ACSS3: variants seen among roughly 807,000 people sequenced by gnomAD.
ACSS3 encodes acyl-CoA synthetase short chain family member 3.
In ACSS3, 64 loss-of-function variants were observed where a neutral mutation model predicts 84.2. The observed-to-expected ratio is 0.76, with a 90% confidence interval of 0.62 to 0.94. ACSS3 has a LOEUF of 0.94. ACSS3 is among the 40% of genes least tolerant of loss of function. ACSS3 has a pLI of 0.00. For missense variants in ACSS3, 815 were observed against 867.6 expected (o/e 0.94, Z 0.76); for synonymous variants, 317 against 310.1 (o/e 1.02, Z -0.23).
At chr12:81,088,808 A>G (rs1488879508) in intron 1 of ACSS3, among the ~76,000 whole-genome samples, 1 of 152,050 alleles carries the variant, frequency 6.6e-6, no homozygotes, top group Non-Finnish European at 1.5e-5. Context: ...GAAACCGTTT[A>G]AAGTTTTTAC....
chr12:81,178,806 CAT>C (rs2135833539), intron 8 of ACSS3, among the ~76,000 whole-genome samples: 1 of 152,220 alleles, frequency 6.6e-6, no homozygotes, highest in African/African-American at 2.4e-5. Flanking sequence ...TTCTACAATT[CAT>C]ATGGAACCAA....
intron 9 of ACSS3, among the ~76,000 whole-genome samples, chr12:81,212,529 A>T (rs971546395): frequency 6.6e-6 from 1 of 152,200 alleles, no homozygotes; most frequent in Non-Finnish European, 1.5e-5. Flanking sequence ...TGAAAGAACT[A>T]TGAAAACTAG....
At chr12:81,227,251 A>C (rs2135961554) in intron 11 of ACSS3, among the ~76,000 whole-genome samples, 1 of 151,882 alleles carries the variant, frequency 6.6e-6, no homozygotes, top group South Asian at 2.1e-4. Context: ...ATTTACTCTA[A>C]ATCTACTGAC....
intron 7 of ACSS3, among the ~76,000 whole-genome samples, chr12:81,156,438 G>T (rs970397929): frequency 1.3e-5 from 2 of 151,754 alleles, no homozygotes; most frequent in African/African-American, 4.8e-5. Flanking sequence ...AACCAGGAAG[G>T]AATAATAAAG....
intron 9 of ACSS3, among the ~76,000 whole-genome samples, chr12:81,207,974 T>C (rs1273679492): frequency 1.3e-5 from 2 of 152,150 alleles, no homozygotes; most frequent in Non-Finnish European, 2.9e-5. Flanking sequence ...AAGCAACCTA[T>C]AGGTTGCTTT....
rs149575646 is a variant in ACSS3, at chr12:81,245,908, A to G, written c.1720-7399A>G. ...GTCCCTTTTCCCTCTTTGGTTCACA[A>G]AACTCTCCTTTGCTGTTCTTATGGG... On this transcript the variant is annotated intron_variant, in intron 13 of 15. Transcript: ENST00000548058. 2.0e-3 allele frequency among the ~76,000 whole-genome samples: 303 copies of G among 152,278 alleles called. 2 individuals are homozygous for G. The highest frequency in any genetic ancestry group is 6.9e-3 in the African/African-American group (286 of 41,562).
At chr12:81,227,422 C>CACACA (rs1555182865) in intron 11 of ACSS3, among the ~76,000 whole-genome samples, 2 of 151,400 alleles carry the variant, frequency 1.3e-5, no homozygotes, top group African/African-American at 4.8e-5. Context: ...CACACACACA[C>CACACA]AAGTGTTGAT....
intron 2 of ACSS3, among the ~76,000 whole-genome samples, chr12:81,123,886 A>C (rs1355046797): frequency 6.6e-6 from 1 of 151,890 alleles, no homozygotes; most frequent in Non-Finnish European, 1.5e-5. Context: ...ATCTAGGTTG[A>C]CTCTATGTCT....
chr12:81,108,890 A>G (rs536537649), intron 1 of ACSS3, among the ~76,000 whole-genome samples: 1 of 152,188 alleles, frequency 6.6e-6, no homozygotes, highest in East Asian at 1.9e-4. Flanking sequence ...AAATTATTCC[A>G]TGTATCTACA....
chr12:81,182,772 A>G (rs2031021956), intron 8 of ACSS3, among the ~76,000 whole-genome samples: 1 of 152,172 alleles, frequency 6.6e-6, no homozygotes, highest in Non-Finnish European at 1.5e-5. Context: ...GTCTCAGGAC[A>G]CAGCATTGAG....
At chr12:81,139,380 GTTA>G in intron 4 of ACSS3, 115 bp downstream of exon 4, 1 of 1,146,486 alleles carries the variant, frequency 8.7e-7, no homozygotes, top group Non-Finnish European at 1.2e-6. Context: ...ACTGCTGAAT[GTTA>G]TTGTTATTTC....
At chr12:81,196,998 A>T (rs1053234408) in intron 8 of ACSS3, among the ~76,000 whole-genome samples, 7 of 152,198 alleles carry the variant, frequency 4.6e-5, no homozygotes, top group Non-Finnish European at 1.5e-5. Flanking sequence ...TTATTGCAAA[A>T]AATAAAATGT....
At chr12:81,175,741 C>T (rs2030422320) in intron 8 of ACSS3, among the ~76,000 whole-genome samples, 1 of 152,130 alleles carries the variant, frequency 6.6e-6, no homozygotes, top group Admixed American at 6.6e-5. Flanking sequence ...AAACAATCTG[C>T]TCCTGGGTGA....
At chr12:81,148,159 TAA>T (rs35252984) in intron 5 of ACSS3, among the ~76,000 whole-genome samples, 4 of 149,026 alleles carry the variant, frequency 2.7e-5, no homozygotes, top group Non-Finnish European at 5.9e-5. Context: ...TAAAGACCAT[TAA>T]AAAAAAAAAC....
chr12:81,154,594 T>C (rs546583173), intron 7 of ACSS3, among the ~76,000 whole-genome samples: 41 of 152,300 alleles, frequency 2.7e-4, no homozygotes, highest in Admixed American at 7.2e-4. Flanking sequence ...CTCCACTAAA[T>C]TCCTTGAAAA....
At chr12:81,094,671 C>T (rs916604360) in intron 1 of ACSS3, 2 of 152,118 alleles carry the variant, frequency 1.3e-5, no homozygotes, top group African/African-American at 4.8e-5. Flanking sequence ...TTCTGGGAGC[C>T]TCGACTGTAG....
intron 11 of ACSS3, among the ~76,000 whole-genome samples, chr12:81,229,837 C>A (rs145161872): frequency 0.015 from 2,327 of 151,962 alleles, 30 homozygotes; most frequent in Non-Finnish European, 0.017. Context: ...AGGATCACTA[C>A]TGGGAGGCTG....
chr12:81,216,937 T>C lies in ACSS3; in HGVS notation c.1391T>C (p.Leu464Ser). The C allele has an allele frequency of 6.2e-7, 1 of 1,611,516 alleles. No individual in the cohort carries two copies. Among genetic ancestry groups the C allele is most frequent in the Non-Finnish European group, 8.5e-7 (1 of 1,178,162 alleles). Reference protein sequence around the residue: ...GSPITASCVGLGNSKTPPPGQ... With the variant: ...GSPITASCVGSGNSKTPPPGQ... The stretch of plus-strand genomic sequence containing the variant: ...CCAATTACTGCGTCATGTGTTGGAT[T>C]AGGCAATTCTAAAACACCTCCACCA... Residue 464 changes from leucine (L) to serine (S), a missense_variant, in exon 10 of 16, where the codon TTA becomes TCA. Physicochemically the swap from Leu to Ser is moderately radical, Grantham distance 145. Transcript: ENST00000548058.
At chr12:81,087,966 A>C (rs1203597333) in intron 1 of ACSS3, among the ~76,000 whole-genome samples, 3 of 152,130 alleles carry the variant, frequency 2.0e-5, no homozygotes, top group African/African-American at 7.2e-5. Flanking sequence ...AGAATTATAA[A>C]ATGCATACTG....
Sources: allele counts gnomAD v4.1 joint callset (sites outside exome capture counted in the v4.1 genomes callset), GRCh38; gene constraint gnomAD v4.1.1; transcripts MANE v1.5; gene names NCBI Gene and HGNC (gene_info 2026-07-23, HGNC 2026-07-21).